The following SPMAP2L variants were observed in gnomAD, a reference collection of about 807,000 sequenced individuals.
SPMAP2L encodes sperm microtubule associated protein 2 like.
chr4:56,584,548 T>G, the SPMAP2L span: 14 of 1,535,362 alleles, frequency 9.1e-6, no homozygotes, highest in South Asian at 1.1e-4. Flanking sequence ...CTGATCCTTC[T>G]CCCCGGATAT....
At chr4:56,572,410 G>T in the SPMAP2L span, among the ~76,000 whole-genome samples, 5 of 152,204 alleles carry the variant, frequency 3.3e-5, no homozygotes, top group Admixed American at 6.5e-5. Flanking sequence ...GTGCTTGACT[G>T]TATTTTACAT....
chr4:56,614,997 T>C, the SPMAP2L span, among the ~76,000 whole-genome samples: 2 of 152,184 alleles, frequency 1.3e-5, no homozygotes, highest in East Asian at 3.9e-4. Flanking sequence ...AATATAAGCT[T>C]TACTAACCCC....
the SPMAP2L span, chr4:56,584,554 G>C: frequency 6.5e-7 from 1 of 1,535,302 alleles, no homozygotes; most frequent in Non-Finnish European, 8.7e-7. Context: ...CTTCTCCCCG[G>C]ATATTACAAC....
the SPMAP2L span, among the ~76,000 whole-genome samples, chr4:56,596,116 A>C: frequency 0.034 from 5,146 of 152,136 alleles, 246 homozygotes; most frequent in African/African-American, 0.11. Context: ...ATCCCAGGAC[A>C]AATGTTTACA....
the SPMAP2L span, among the ~76,000 whole-genome samples, chr4:56,597,692 G>T: frequency 6.6e-6 from 1 of 152,124 alleles, no homozygotes; most frequent in Non-Finnish European, 1.5e-5. Context: ...TGCTAGGATT[G>T]TTTGGGTTTA....
the SPMAP2L span, among the ~76,000 whole-genome samples, chr4:56,580,923 C>G: frequency 6.6e-6 from 1 of 152,068 alleles, no homozygotes; most frequent in Non-Finnish European, 1.5e-5. Context: ...GAATATTGCT[C>G]AGCCTTTAAA....
the SPMAP2L span, among the ~76,000 whole-genome samples, chr4:56,580,948 G>A: frequency 1.7e-4 from 26 of 152,142 alleles, no homozygotes; most frequent in Admixed American, 5.9e-4. Flanking sequence ...AGAAAATTCC[G>A]ACACATTCTA....
At chr4:56,617,802 T>G in the SPMAP2L span, among the ~76,000 whole-genome samples, 4 of 152,030 alleles carry the variant, frequency 2.6e-5, no homozygotes, top group African/African-American at 9.7e-5. Flanking sequence ...GAACTCAAAG[T>G]TTTATTGAGT....
At chr4:56,531,076 A>G in the SPMAP2L span, 1 of 1,535,436 alleles carries the variant, frequency 6.5e-7, no homozygotes, top group Non-Finnish European at 8.7e-7. Flanking sequence ...CCGCGAGGCC[A>G]AGGAAACCGA....
At chr4:56,620,665 G>A in the SPMAP2L span, among the ~76,000 whole-genome samples, 4 of 152,228 alleles carry the variant, frequency 2.6e-5, no homozygotes, top group Admixed American at 2.6e-4. Flanking sequence ...GATTACAGGC[G>A]TGAGCCACCG....
chr4:56,617,941 C>T, the SPMAP2L span, among the ~76,000 whole-genome samples: 113 of 152,240 alleles, frequency 7.4e-4, 1 homozygote, highest in African/African-American at 2.2e-3. Flanking sequence ...TGCTTGTTGG[C>T]GTGCTCTTCC....
the SPMAP2L span, among the ~76,000 whole-genome samples, chr4:56,533,356 G>T: frequency 6.6e-6 from 1 of 151,852 alleles, no homozygotes; most frequent in African/African-American, 2.4e-5. Context: ...TTTCCTCCTC[G>T]CTCTTAGCTG....
chr4:56,598,587 TAAGGGAAGTTTTTTTTTC>T, the SPMAP2L span, among the ~76,000 whole-genome samples: 4,966 of 151,894 alleles, frequency 0.033, 252 homozygotes, highest in African/African-American at 0.11. Context: ...AAGCCAAGGC[TAAGGGAAGTTTTTTTTTC>T]AAGGAGAACT....
At chr4:56,603,298 A>T in the SPMAP2L span, 1 of 1,534,354 alleles carries the variant, frequency 6.5e-7, no homozygotes, top group Non-Finnish European at 8.7e-7. Context: ...AGGATCTGGG[A>T]GTTGTCACAA....
chr4:56,594,024 G>C, the SPMAP2L span: 3 of 1,611,258 alleles, frequency 1.9e-6, no homozygotes, highest in South Asian at 2.2e-5. Context: ...GCCGCTCAGC[G>C]GCAGATCAAT....
chr4:56,568,881 C>T, the SPMAP2L span, among the ~76,000 whole-genome samples: 1 of 152,282 alleles, frequency 6.6e-6, no homozygotes, highest in South Asian at 2.1e-4. Flanking sequence ...TGTACTTATT[C>T]TGGTAATTTC....
At chr4:56,587,981 C>T in the SPMAP2L span, among the ~76,000 whole-genome samples, 2 of 152,150 alleles carry the variant, frequency 1.3e-5, no homozygotes, top group Non-Finnish European at 2.9e-5. Flanking sequence ...CCAACATCTA[C>T]TGTTTTCGGA....
At chr4:56,591,813 G>T in the SPMAP2L span, among the ~76,000 whole-genome samples, 1 of 152,166 alleles carries the variant, frequency 6.6e-6, no homozygotes, top group East Asian at 1.9e-4. Flanking sequence ...GAGACGTATG[G>T]TTCTGCTTTT....
At chr4:56,575,516 A>C in the SPMAP2L span, 7 of 1,535,184 alleles carry the variant, frequency 4.6e-6, no homozygotes, top group Non-Finnish European at 6.1e-6. Context: ...GCTCAATACT[A>C]CCACAGCTGT....
Sources: gnomAD v4.1 joint callset for allele counts (sites outside exome capture counted in the v4.1 genomes callset) on GRCh38, gnomAD v4.1.1 for gene constraint, MANE v1.5 for transcripts, NCBI Gene and HGNC (gene_info 2026-07-23, HGNC 2026-07-21) for gene names.